Variants in TTLL6 observed in about 807,000 individuals in gnomAD.
TTLL6 encodes the protein tubulin tyrosine ligase like 6, also known as tubulin polyglutamylase TTLL6.
In TTLL6, 75 loss-of-function variants were observed where a neutral mutation model predicts 96.4. The ratio of observed to expected loss-of-function variants is 0.78; its 90% CI spans 0.65 to 0.94. The LOEUF is 0.94. Among genes scored for constraint, TTLL6 ranks in the 40% least tolerant of loss-of-function variants. The pLI is 0.00. For synonymous variants in TTLL6, 411 were observed against 419.4 expected, an observed-to-expected ratio of 0.98 and a Z score of 0.24; for missense variants, 1,030 against 1,093.0, an observed-to-expected ratio of 0.94 and a Z score of 0.81.
intron 13 of TTLL6, among the ~76,000 whole-genome samples, chr17:48,777,002 A>T (rs1326706031): frequency 2.1e-5 from 3 of 140,392 alleles, no homozygotes; most frequent in Non-Finnish European, 4.6e-5. Flanking sequence ...TGGTATTGGC[A>T]TAAGGATAGA....
intron 13 of TTLL6, among the ~76,000 whole-genome samples, chr17:48,771,246 G>A (rs2038738682): frequency 6.6e-6 from 1 of 152,184 alleles, no homozygotes; most frequent in Non-Finnish European, 1.5e-5. Context: ...ATAAAAAATA[G>A]CACTGGAGGC....
At chr17:48,793,165 C>T (rs1333664744) in intron 8 of TTLL6, among the ~76,000 whole-genome samples, 2 of 152,058 alleles carry the variant, frequency 1.3e-5, no homozygotes, top group African/African-American at 4.8e-5. Context: ...GGCAGTTGAC[C>T]TCAAACGCCA....
At position 48,791,503 on chromosome 17, in the gene TTLL6, C is replaced by T; in HGVS notation, c.1099G>A (p.Ala367Thr). ...TAGTTATGCCTGATGATGGGGTGGG[C>T]CGAGATGAGGGTCTTGATGATGACG... is the stretch of plus-strand genomic sequence containing the variant. ...EDVIIKTLIS[A>T]HPIIRHNYHT... is the part of the protein sequence containing the mutation. Residue 367 changes from alanine to threonine, a missense_variant, in exon 9 of 16, where the codon GCC (alanine) becomes ACC (threonine). Transcript: ENST00000393382. 1 of 1,614,120 alleles carries T rather than the reference C, an allele frequency of 6.2e-7. No homozygotes were observed. The highest frequency in any genetic ancestry group is 8.5e-7 in the Non-Finnish European group (1 of 1,180,034).
At chr17:48,796,025 T>C (rs536385510) in intron 8 of TTLL6, 36 bp downstream of exon 8, 4 of 1,512,982 alleles carry the variant, frequency 2.6e-6, no homozygotes, top group Non-Finnish European at 3.6e-6. Flanking sequence ...CTGAGGTTGG[T>C]AGGGAAAGGA....
Position 48,786,212 on chromosome 17 carries a change from T to A in TTLL6, c.1713A>T (p.Gln571His). The change falls in exon 12 of 16, where the codon CAA becomes CAT. Residue 571 changes from glutamine (Q) to histidine (H), a missense_variant. Gln to His is a conservative substitution (Grantham distance 24, BLOSUM62 0). Transcript: ENST00000393382. ...CCTTGTCTTTCTGCTGTTGTTTCTG[T>A]TGCCAGCCCCTCATGCCCTTCTTTC... Reference protein sequence around the residue: ...QVRKKGMRGWQQKQQQKDKAA... With the variant: ...QVRKKGMRGWHQKQQQKDKAA... 1 of 1,614,192 alleles carries A rather than the reference T, an allele frequency of 6.2e-7. No homozygotes were observed.
At chr17:48,772,354 G>A (rs921570476) in intron 13 of TTLL6, among the ~76,000 whole-genome samples, 2 of 151,970 alleles carry the variant, frequency 1.3e-5, no homozygotes, top group African/African-American at 4.8e-5. Context: ...TAAAAATAAA[G>A]AAATAAAATA....
intron 13 of TTLL6, among the ~76,000 whole-genome samples, chr17:48,777,332 C>A (rs1397250089): frequency 6.6e-6 from 1 of 152,172 alleles, no homozygotes; most frequent in African/African-American, 2.4e-5. Context: ...CAGTGGTTCA[C>A]GCCTGTAATC....
intron 13 of TTLL6, among the ~76,000 whole-genome samples, chr17:48,771,773 A>T (rs1026159903): frequency 3.3e-5 from 5 of 152,016 alleles, no homozygotes. Context: ...CCAGCATCCA[A>T]ACTTAAAACC....
At chr17:48,774,097 A>AAC (rs2038813176) in intron 13 of TTLL6, among the ~76,000 whole-genome samples, 2 of 109,994 alleles carry the variant, frequency 1.8e-5, no homozygotes, top group African/African-American at 4.1e-5. Context: ...AAAACAAAAC[A>AAC]AAAAAAAAAA....
At chr17:48,799,911 G>A (rs2039380669) in intron 5 of TTLL6, among the ~76,000 whole-genome samples, 151 bp from the exon 6 acceptor site, 1 of 152,234 alleles carries the variant, frequency 6.6e-6, no homozygotes, top group Non-Finnish European at 1.5e-5. Context: ...ATGGGAGAGA[G>A]TAGAGCACAC....
At chr17:48,805,044 C>A (rs2039486323) in intron 1 of TTLL6, 53 bp from the exon 2 acceptor site, 2 of 1,401,540 alleles carry the variant, frequency 1.4e-6, no homozygotes, top group Non-Finnish European at 2.0e-6. Flanking sequence ...TGCAGGGGGA[C>A]CCCCTCCCTC....
At chr17:48,768,268 A>T (rs1282735448) in intron 15 of TTLL6, among the ~76,000 whole-genome samples, 2 of 151,214 alleles carry the variant, frequency 1.3e-5, no homozygotes, top group Non-Finnish European at 2.9e-5. Flanking sequence ...CTAATTTTTT[A>T]ATTATTATTA....
At chr17:48,807,672 C>T (rs994053159) in intron 1 of TTLL6, among the ~76,000 whole-genome samples, 18 of 151,816 alleles carry the variant, frequency 1.2e-4, no homozygotes, top group African/African-American at 4.4e-4. Flanking sequence ...CCACCACACC[C>T]GGCTAACTTT....
intron 1 of TTLL6, among the ~76,000 whole-genome samples, chr17:48,815,067 C>T (rs929694806): frequency 1.3e-5 from 2 of 152,144 alleles, no homozygotes; most frequent in Admixed American, 6.5e-5. Context: ...CATGAGCCAC[C>T]GCGCCCAGCA....
At chr17:48,809,505 C>T (rs1287860635) in intron 1 of TTLL6, among the ~76,000 whole-genome samples, 1 of 152,156 alleles carries the variant, frequency 6.6e-6, no homozygotes, top group Non-Finnish European at 1.5e-5. Flanking sequence ...GTTCTCTTTG[C>T]TCATTTTTGA....
Position 48,803,495 on chromosome 17 carries a change from C to CA in TTLL6, c.361+395dup, listed in dbSNP as rs34003967. On this transcript the variant is annotated intron_variant, in intron 3 of 15. Transcript: ENST00000393382. ...CAAGATTCCGTGTCAAAAAAAAAAA[C>CA]AAAAAAAAAAAACAGCAACAGCAAC... Among the ~76,000 whole-genome samples, 536 of 137,552 alleles carry CA rather than the reference C, an allele frequency of 3.9e-3. 2 individuals carry two copies. Among genetic ancestry groups the CA allele is most frequent in the Non-Finnish European group, 4.6e-3 (289 of 62,698 alleles). The allele number at this position is 137,552 out of a possible 152,430, so 90.2% of individuals were successfully genotyped here.
At chr17:48,764,471 G>A (rs966399754) in intron 15 of TTLL6, among the ~76,000 whole-genome samples, 1 of 152,074 alleles carries the variant, frequency 6.6e-6, no homozygotes, top group Non-Finnish European at 1.5e-5. Context: ...AGGTAATAAC[G>A]TCTGCCTTGC....
At position 48,804,767 on chromosome 17, in the gene TTLL6, C is replaced by T; in HGVS notation, c.323+5G>A. ...GCTCCCCATTCCCCAGCTTTCAATC[C>T]TAACCTCTTTTTCTTCCTCTTCTTC... On this transcript the variant is annotated splice_donor_5th_base_variant and intron_variant, in intron 2 of 15. Transcript: ENST00000393382. 2 of 1,551,942 alleles carry T rather than the reference C, an allele frequency of 1.3e-6. No homozygotes were observed. The highest frequency in any genetic ancestry group is 8.7e-7 in the Non-Finnish European group (1 of 1,146,982).
At chr17:48,770,964 A>G (rs2038731946) in intron 13 of TTLL6, among the ~76,000 whole-genome samples, 1 of 152,116 alleles carries the variant, frequency 6.6e-6, no homozygotes, top group Admixed American at 6.6e-5. Flanking sequence ...CAAACAAACA[A>G]AAACTAGTCT....
Sources: gnomAD v4.1 joint callset for allele counts (sites outside exome capture counted in the v4.1 genomes callset) on GRCh38, gnomAD v4.1.1 for gene constraint, MANE v1.5 for transcripts, NCBI Gene and HGNC (gene_info 2026-07-23, HGNC 2026-07-21) for gene names.